The following LDLRAD4 variants were observed in gnomAD, a reference collection of about 807,000 sequenced individuals.
LDLRAD4 encodes the protein low density lipoprotein receptor class A domain containing 4, also known as low-density lipoprotein receptor class A domain-containing protein 4.
Under a neutral mutation model 17.0 loss-of-function variants are expected in LDLRAD4, and 5 were observed. The observed-to-expected ratio is 0.29, with a 90% confidence interval of 0.15 to 0.62. The LOEUF is 0.62. Among genes scored for constraint, LDLRAD4 ranks in the 20% least tolerant of loss-of-function variants. The pLI is 0.84. For missense variants in LDLRAD4, 340 were observed against 424.7 expected, an observed-to-expected ratio of 0.80 and a Z score of 1.75; for synonymous variants, 168 against 171.8, an observed-to-expected ratio of 0.98 and a Z score of 0.17.
chr18:13,331,509 A>G (rs2081865340), intron 1 of LDLRAD4, among the ~76,000 whole-genome samples: 1 of 152,202 alleles, frequency 6.6e-6, no homozygotes, highest in Admixed American at 6.5e-5. Flanking sequence ...ATTAATTAGT[A>G]CCTCCAGTGC....
At chr18:13,277,623 A>T (rs970677544), upstream of LDLRAD4, among the ~76,000 whole-genome samples, 3 of 152,256 alleles carry the variant, frequency 2.0e-5, no homozygotes, top group Non-Finnish European at 4.4e-5. Flanking sequence ...TCTTCCATGA[A>T]ATCAGACATG....
rs1348290800 is a variant in LDLRAD4 at position 13,481,406 on chromosome 18, G to A, written c.181+43022G>A. On this transcript the variant is annotated intron_variant, in intron 3 of 5. Transcript: ENST00000359446. ...GATTCAGGTTCAAAGCCTGAGAAGC[G>A]GGGGCACGTGTAGACGCTGACTGTG... Among the ~76,000 whole-genome samples, 8 of 152,270 alleles carry A rather than the reference G, an allele frequency of 5.3e-5. No individual in the cohort carries two copies. In the East Asian group the frequency reaches 5.8e-4, roughly 11 times the overall value.
intron 3 of LDLRAD4, among the ~76,000 whole-genome samples, chr18:13,531,407 T>C (rs1004957061): frequency 1.3e-5 from 2 of 150,274 alleles, no homozygotes; most frequent in Admixed American, 1.3e-4. Flanking sequence ...CCCAGGAGTT[T>C]GAGACCAGCC....
At chr18:13,451,428 C>A (rs1226325538) in intron 3 of LDLRAD4, among the ~76,000 whole-genome samples, 2 of 152,148 alleles carry the variant, frequency 1.3e-5, no homozygotes, top group African/African-American at 4.8e-5. Flanking sequence ...GTGTGAGATA[C>A]CAGTCCCCTT....
chr18:13,223,654 TC>T (rs1413709159), intron 1 of LDLRAD4, among the ~76,000 whole-genome samples: 2 of 152,126 alleles, frequency 1.3e-5, no homozygotes, highest in Non-Finnish European at 2.9e-5. Flanking sequence ...TCCGAAGGGC[TC>T]CCTGACCTCT....
intron 1 of LDLRAD4, among the ~76,000 whole-genome samples, chr18:13,322,366 C>G (rs2081302092): frequency 7.4e-6 from 1 of 135,160 alleles, no homozygotes; most frequent in African/African-American, 2.8e-5. Context: ...GTGGCGCAAT[C>G]TTGGCTCACT....
rs140942856 is a variant in LDLRAD4 at position 13,321,258 on chromosome 18, C to T, written c.-383+43070C>T. Among the ~76,000 whole-genome samples the T allele has an allele frequency of 3.0e-3, 453 of 152,322 alleles. 2 individuals are homozygous for T. Among genetic ancestry groups the T allele is most frequent in the Non-Finnish European group, 4.0e-3 (270 of 68,032 alleles). On this transcript the variant is annotated intron_variant, in intron 1 of 5. Transcript: ENST00000359446. ...TGCATCTCCCCCAGAGGCCTATGCG[C>T]GGTTTGGCTGCCCGGCCAGGTTCCT...
intron 3 of LDLRAD4, 183 bp from the exon 5 acceptor site, chr18:13,620,927 AGCCTCCC>A (rs1195988963): frequency 1.3e-6 from 1 of 769,212 alleles, no homozygotes; most frequent in East Asian, 2.5e-5. Flanking sequence ...TGGTTTGCAC[AGCCTCCC>A]GACTGTGCCG....
At chr18:13,642,271 C>G (rs114782013) in intron 4 of LDLRAD4, 6 of 987,862 alleles carry the variant, frequency 6.1e-6, no homozygotes, top group Middle Eastern at 5.1e-4. Flanking sequence ...TGGCCCAGCC[C>G]GCCCGTTTCC....
At chr18:13,499,680 G>A (rs896427319) in intron 3 of LDLRAD4, among the ~76,000 whole-genome samples, 5 of 145,264 alleles carry the variant, frequency 3.4e-5, no homozygotes, top group Non-Finnish European at 7.5e-5. Flanking sequence ...CACACGTCCT[G>A]CCATGGACAC....
intron 2 of LDLRAD4, among the ~76,000 whole-genome samples, chr18:13,405,795 A>T (rs1238623604): frequency 6.6e-6 from 1 of 151,988 alleles, no homozygotes; most frequent in African/African-American, 2.4e-5. Flanking sequence ...TGGACTGTTG[A>T]GCTCTGGCGT....
intron 1 of LDLRAD4, among the ~76,000 whole-genome samples, chr18:13,337,390 T>G (rs939408268): frequency 3.9e-5 from 6 of 152,216 alleles, no homozygotes; most frequent in African/African-American, 1.4e-4. Context: ...CTTGGAATTC[T>G]GGAGATTATA....
intron 2 of LDLRAD4, among the ~76,000 whole-genome samples, chr18:13,416,830 G>A (rs2088943761): frequency 6.6e-6 from 1 of 152,206 alleles, no homozygotes; most frequent in Admixed American, 6.5e-5. Context: ...AAAATAGAAG[G>A]TATCATTAAT....
At chr18:13,498,798 C>A (rs899570609) in intron 3 of LDLRAD4, among the ~76,000 whole-genome samples, 1 of 149,664 alleles carries the variant, frequency 6.7e-6, no homozygotes, top group East Asian at 2.0e-4. Flanking sequence ...TCCCCACACA[C>A]GTCCCGCCGT....
intron 1 of LDLRAD4, among the ~76,000 whole-genome samples, chr18:13,347,147 A>G (rs2082740662): frequency 6.6e-6 from 1 of 152,124 alleles, no homozygotes; most frequent in African/African-American, 2.4e-5. Flanking sequence ...TCATTAGTTG[A>G]TGCAGTTTCT....
At chr18:13,612,060 C>T (rs1011471541) in intron 3 of LDLRAD4, 10 of 985,428 alleles carry the variant, frequency 1.0e-5, no homozygotes, top group African/African-American at 8.7e-5. Context: ...GCGTGTCCTG[C>T]CTTGGTAAGC....
chr18:13,572,819 T>G (rs2094711737), intron 3 of LDLRAD4, among the ~76,000 whole-genome samples: 1 of 152,256 alleles, frequency 6.6e-6, no homozygotes, highest in African/African-American at 2.4e-5. Flanking sequence ...TAGGAATTTG[T>G]TAGCAGTGCA....
rs575055648 is a variant in LDLRAD4, at chr18:13,358,708, A to G, written c.-382-28633A>G. Among the ~76,000 whole-genome samples the G allele has an allele frequency of 2.0e-5, 3 of 152,326 alleles. No homozygotes were observed. In the South Asian group the frequency reaches 6.2e-4, roughly 32 times the overall value. On this transcript the variant is annotated intron_variant, in intron 1 of 5. Coordinates refer to ENST00000359446, the Ensembl canonical transcript of LDLRAD4. ...GACTGGAAACAGTTTGTTGCAGAGGAAAAGCAATTCTAACCCTGCTCTTTT... is the reference window on the plus strand; with the variant it reads ...GACTGGAAACAGTTTGTTGCAGAGGGAAAGCAATTCTAACCCTGCTCTTTT...
chr18:13,642,071 C>T, intron 4 of LDLRAD4: 1 of 985,588 alleles, frequency 1.0e-6, no homozygotes, highest in Non-Finnish European at 1.2e-6. Flanking sequence ...CGGGCCCTTC[C>T]CTCCCGTCAC....
Sources: gnomAD v4.1 joint callset for allele counts (sites outside exome capture counted in the v4.1 genomes callset) on GRCh38, gnomAD v4.1.1 for gene constraint, MANE v1.5 for transcripts, NCBI Gene and HGNC (gene_info 2026-07-23, HGNC 2026-07-21) for gene names.